NRXN3: variants seen among roughly 807,000 people sequenced by gnomAD.
NRXN3 encodes neurexin 3.
Under a neutral mutation model 137.6 loss-of-function variants are expected in NRXN3, and 32 were observed. The ratio of observed to expected loss-of-function variants is 0.23; its 90% confidence interval spans 0.18 to 0.31. The LOEUF (loss-of-function observed/expected upper bound fraction) is 0.31. Among genes scored for constraint, NRXN3 ranks in the 10% least tolerant of loss-of-function variants. The pLI is 1.00. For synonymous variants in NRXN3, 798 were observed against 784.5 expected (o/e 1.02, Z -0.29); for missense variants, 1,574 against 2,062.5 (o/e 0.76, Z 4.59).
chr14:79,144,714 T>C (rs1359292597), intron 15 of NRXN3, among the ~76,000 whole-genome samples: 1 of 152,224 alleles, frequency 6.6e-6, no homozygotes, highest in East Asian at 1.9e-4. Flanking sequence ...TTAGTTCTAA[T>C]GACTTCACGT....
At chr14:79,201,529 T>C (rs1289861929) in intron 15 of NRXN3, 1 of 152,204 alleles carries the variant, frequency 6.6e-6, no homozygotes, top group Non-Finnish European at 1.5e-5. Context: ...ACCTCTGAGA[T>C]TGGCAGCATT....
intron 4 of NRXN3, among the ~76,000 whole-genome samples, chr14:78,419,162 C>T (rs1567536752): frequency 6.6e-6 from 1 of 152,232 alleles, no homozygotes; most frequent in Non-Finnish European, 1.5e-5. Context: ...CAAGGTCACA[C>T]AGCTAGTTCA....
At chr14:79,447,673 G>A (rs1045370042) in intron 15 of NRXN3, among the ~76,000 whole-genome samples, 16 of 152,160 alleles carry the variant, frequency 1.1e-4, no homozygotes, top group African/African-American at 3.9e-4. Flanking sequence ...TATTTTTGGA[G>A]ATTTCATTCT....
intron 4 of NRXN3, among the ~76,000 whole-genome samples, chr14:78,504,660 T>C (rs73322326): frequency 0.022 from 3,297 of 152,252 alleles, 110 homozygotes; most frequent in African/African-American, 0.072. Context: ...GAGAAACTCA[T>C]GGTGATAAAA....
intron 4 of NRXN3, among the ~76,000 whole-genome samples, chr14:78,562,396 CAAAAAAAA>C (rs752464669): frequency 4.0e-5 from 2 of 49,468 alleles, no homozygotes; most frequent in East Asian, 5.1e-4. Flanking sequence ...ACTTATATCT[CAAAAAAAA>C]AAAAAAAAAA....
chr14:79,734,047 C>G (rs1233078907), intron 19 of NRXN3, among the ~76,000 whole-genome samples: 1 of 152,184 alleles, frequency 6.6e-6, no homozygotes, highest in East Asian at 1.9e-4. Context: ...CTGATGGTAC[C>G]AATCATTTTA....
At chr14:78,962,203 C>G (rs1046526759) in intron 11 of NRXN3, among the ~76,000 whole-genome samples, 5 of 152,124 alleles carry the variant, frequency 3.3e-5, no homozygotes, top group African/African-American at 9.7e-5. Context: ...TACCATTTAC[C>G]ACCTGCATGA....
At chr14:79,847,684 C>A (rs780685691) in intron 20 of NRXN3, among the ~76,000 whole-genome samples, 4 of 152,046 alleles carry the variant, frequency 2.6e-5, no homozygotes, top group African/African-American at 7.2e-5. Context: ...CTGAAGAGAC[C>A]AAAGGGGCTG....
At chr14:78,302,703 C>G (rs772584541) in intron 4 of NRXN3, among the ~76,000 whole-genome samples, 1 of 152,226 alleles carries the variant, frequency 6.6e-6, no homozygotes, top group African/African-American at 2.4e-5. Flanking sequence ...ACCAGCTTCC[C>G]TTTATGATGT....
At chr14:79,608,254 G>A (rs1175319484) in intron 16 of NRXN3, among the ~76,000 whole-genome samples, 4 of 152,296 alleles carry the variant, frequency 2.6e-5, no homozygotes, top group South Asian at 2.1e-4. Context: ...TGGGAAAGGG[G>A]AGAGTTTCAG....
At chr14:78,400,964 GCTGAGAAGT>G (rs1461801219) in intron 4 of NRXN3, among the ~76,000 whole-genome samples, 1 of 152,130 alleles carries the variant, frequency 6.6e-6, no homozygotes, top group African/African-American at 2.4e-5. Flanking sequence ...AGTTCTGGAG[GCTGAGAAGT>G]CCAATATCAA....
chr14:78,831,565 C>G (rs1261338586), intron 10 of NRXN3, among the ~76,000 whole-genome samples: 3 of 110,110 alleles, frequency 2.7e-5, no homozygotes, highest in African/African-American at 7.4e-5. Flanking sequence ...AAAAAAACAA[C>G]AACAGAACAA....
intron 9 of NRXN3, among the ~76,000 whole-genome samples, chr14:78,805,212 T>C (rs932410143): frequency 5.9e-5 from 9 of 152,186 alleles, no homozygotes; most frequent in Non-Finnish European, 1.0e-4. Context: ...GTGCTCTTTT[T>C]CTTGTCCAAC....
intron 4 of NRXN3, among the ~76,000 whole-genome samples, chr14:78,552,779 C>T (rs6574452): frequency 0.24 from 35,775 of 151,998 alleles, 4,507 homozygotes; most frequent in Middle Eastern, 0.31. Flanking sequence ...GGAATAAGAC[C>T]TAGTGTTAGA....
At chr14:78,202,168 G>A (rs1249528177) in intron 1 of NRXN3, among the ~76,000 whole-genome samples, 1 of 152,156 alleles carries the variant, frequency 6.6e-6, no homozygotes, top group Non-Finnish European at 1.5e-5. Flanking sequence ...GTGCCATCCT[G>A]GGTGAAGTAG....
chr14:79,044,481 A>T (rs1236257997), intron 15 of NRXN3, among the ~76,000 whole-genome samples: 1 of 152,102 alleles, frequency 6.6e-6, no homozygotes, highest in Non-Finnish European at 1.5e-5. Flanking sequence ...TACCTTTTTC[A>T]TAGGTTTTGA....
chr14:78,481,290 A>G (rs1031925643), intron 4 of NRXN3, among the ~76,000 whole-genome samples: 1 of 152,226 alleles, frequency 6.6e-6, no homozygotes, highest in African/African-American at 2.4e-5. Flanking sequence ...TTTAGAATAT[A>G]GCTGGACATT....
rs115689093 is a variant in NRXN3 at position 78,893,434 on chromosome 14, C to T, written c.2276-63808C>T. The stretch of plus-strand genomic sequence containing the variant: ...TGGTGGGAGAGTCCATGCCGAATCT[C>T]CTGTTGGTTGAAGAAGGTGAAAGTC... On this transcript the variant is annotated intron_variant, in intron 10 of 20. Transcript: ENST00000335750. 4.4e-3 allele frequency among the ~76,000 whole-genome samples: 667 copies of T among 151,988 alleles called. 3 individuals carry two copies. The highest frequency in any genetic ancestry group is 0.015 in the African/African-American group (633 of 41,498).
intron 15 of NRXN3, among the ~76,000 whole-genome samples, chr14:79,456,044 C>A (rs1378681738): frequency 6.6e-6 from 1 of 151,986 alleles, no homozygotes; most frequent in African/African-American, 2.4e-5. Context: ...GCTGTCTCTT[C>A]ATTAATACTC....
Sources: allele counts gnomAD v4.1 joint callset (sites outside exome capture counted in the v4.1 genomes callset), GRCh38; gene constraint gnomAD v4.1.1; transcripts MANE v1.5; gene names NCBI Gene and HGNC (gene_info 2026-07-23, HGNC 2026-07-21).